CREB3L2: variants seen among roughly 807,000 people sequenced by gnomAD.
CREB3L2 encodes cyclic AMP-responsive element-binding protein 3-like protein 2.
Under a neutral mutation model 57.2 loss-of-function variants are expected in CREB3L2, and 23 were observed. The observed-to-expected ratio is 0.40, with a 90% confidence interval of 0.29 to 0.57. The LOEUF is 0.57. Among genes scored for constraint, CREB3L2 ranks in the 20% least tolerant of loss-of-function variants. The probability of loss-of-function intolerance (pLI) is 0.42; values close to 1 mark genes in which losing one functional copy is unlikely to be tolerated. For synonymous variants in CREB3L2, 268 were observed against 265.1 expected, an observed-to-expected ratio of 1.01 and a Z score of -0.11; for missense variants, 628 against 634.7, an observed-to-expected ratio of 0.99 and a Z score of 0.11.
chr7:137,981,777 C>A (rs1418469407), intron 1 of CREB3L2, among the ~76,000 whole-genome samples: 2 of 152,194 alleles, frequency 1.3e-5, no homozygotes, highest in Non-Finnish European at 2.9e-5. Flanking sequence ...AGTGGTTTTT[C>A]TGGTTTATGA....
In CREB3L2 at chr7:138,001,715, G is replaced by A. The variant is rs1802081159; in HGVS notation, c.-10C>T. 2.5e-6 allele frequency: 4 copies of A among 1,596,442 alleles called. No individual in the cohort carries two copies. In the South Asian group the frequency reaches 3.4e-5, roughly 13 times the overall value. ...TCTCCAGCACCTCCATGGCGGTGCGGGCCGCGCTGGGCCGAGGATGCTAAG... is the reference window on the plus strand; with the variant it reads ...TCTCCAGCACCTCCATGGCGGTGCGAGCCGCGCTGGGCCGAGGATGCTAAG... On this transcript the variant is annotated 5_prime_UTR_variant, in exon 1 of 12. Coordinates refer to ENST00000330387, the MANE Select transcript of CREB3L2 (RefSeq NM_194071.4). The surrounding 1 kb of genome is among the most constrained non-coding windows in gnomAD (Gnocchi z 4.2).
rs891546867 is a variant in CREB3L2 at position 137,924,283 on chromosome 7, T to C, written c.319+3867A>G. Among the ~76,000 whole-genome samples, 8 of 152,240 alleles carry C rather than the reference T, an allele frequency of 5.3e-5. No homozygotes were observed. In the South Asian group the frequency reaches 1.7e-3, roughly 32 times the overall value. ...ACTTCTGTATTAGCCTATTTTATGC[T>C]AAGGTCTGTTGATAGTCTATATAAT... is the stretch of plus-strand genomic sequence containing the variant. On this transcript the variant is annotated intron_variant, in intron 2 of 11. Transcript: ENST00000330387.
At position 137,953,887 on chromosome 7, in the gene CREB3L2, G is replaced by A. The variant is rs143594669; in HGVS notation, c.103-25521C>T. 1.5e-4 allele frequency among the ~76,000 whole-genome samples: 23 copies of A among 152,310 alleles called. No individual in the cohort carries two copies. The East Asian group carries it at 4.4e-3, about 29-fold the overall frequency. On this transcript the variant is annotated intron_variant, in intron 1 of 11. Coordinates refer to ENST00000330387, the MANE Select transcript of CREB3L2 (RefSeq NM_194071.4). ...GGCATCATCATGGGTTTTTCACACA[G>A]CCCAGTAAGATCACAAGGTCCTGTA...
chr7:137,946,079 CA>C (rs1800967988), intron 1 of CREB3L2, among the ~76,000 whole-genome samples: 1 of 152,196 alleles, frequency 6.6e-6, no homozygotes, highest in South Asian at 2.1e-4. Flanking sequence ...ACTGGCCACA[CA>C]CTCCCTCCTG....
chr7:137,943,228 C>T (rs878975880), intron 1 of CREB3L2, among the ~76,000 whole-genome samples: 2 of 152,176 alleles, frequency 1.3e-5, no homozygotes, highest in Admixed American at 1.3e-4. Flanking sequence ...ACGTAGGTAG[C>T]TTCTGCTTCC....
chr7:137,971,364 G>A (rs551676486), intron 1 of CREB3L2, among the ~76,000 whole-genome samples: 44 of 152,134 alleles, frequency 2.9e-4, no homozygotes, highest in Non-Finnish European at 5.4e-4. Flanking sequence ...GCAGGAGAAT[G>A]GCGTGAACCT....
chr7:138,000,980 T>C (rs1479014143), intron 1 of CREB3L2, among the ~76,000 whole-genome samples: 2 of 152,038 alleles, frequency 1.3e-5, no homozygotes, highest in Non-Finnish European at 2.9e-5. Flanking sequence ...CATACTCCTC[T>C]GCTGGTTTTT....
intron 1 of CREB3L2, among the ~76,000 whole-genome samples, chr7:137,969,340 CTTTTTTTTTTTTT>C (rs71177936): frequency 3.9e-5 from 3 of 77,070 alleles, no homozygotes; most frequent in East Asian, 3.9e-4. Context: ...TTATGATCTT[CTTTTTTTTTTTTT>C]TTTTTTTTTT....
At chr7:137,963,513 T>C (rs1413498577) in intron 1 of CREB3L2, among the ~76,000 whole-genome samples, 1 of 152,258 alleles carries the variant, frequency 6.6e-6, no homozygotes, top group African/African-American at 2.4e-5. Flanking sequence ...AGCTTCTGGA[T>C]ACATTATTTT....
intron 6 of CREB3L2, among the ~76,000 whole-genome samples, chr7:137,905,327 C>A (rs1187500016): frequency 7.0e-6 from 1 of 143,070 alleles, no homozygotes; most frequent in Non-Finnish European, 1.5e-5. Context: ...ACATAGAGTA[C>A]ATATATATGT....
intron 2 of CREB3L2, chr7:137,922,532 TAGAG>T (rs1249826533): frequency 2.8e-5 from 11 of 391,182 alleles, no homozygotes; most frequent in Admixed American, 5.3e-5. Flanking sequence ...CATGTGAACA[TAGAG>T]AGAATGGGCA....
intron 8 of CREB3L2, among the ~76,000 whole-genome samples, chr7:137,891,310 G>C (rs1799524064): frequency 6.6e-6 from 1 of 152,186 alleles, no homozygotes. Flanking sequence ...CCAAGAGTGG[G>C]AGACACAATC....
At chr7:137,964,943 G>A (rs769457628) in intron 1 of CREB3L2, among the ~76,000 whole-genome samples, 5 of 152,102 alleles carry the variant, frequency 3.3e-5, no homozygotes, top group Non-Finnish European at 7.4e-5. Flanking sequence ...CTGCCACCAC[G>A]TAAGACGTGC....
chr7:137,894,667 G>A (rs1255649808), intron 8 of CREB3L2, among the ~76,000 whole-genome samples: 1 of 152,188 alleles, frequency 6.6e-6, no homozygotes, highest in East Asian at 1.9e-4. Flanking sequence ...GCTAGGGTGA[G>A]AGCTCCAGAT....
At chr7:137,921,425 C>A (rs953222665) in intron 2 of CREB3L2, among the ~76,000 whole-genome samples, 3 of 152,142 alleles carry the variant, frequency 2.0e-5, no homozygotes, top group Non-Finnish European at 4.4e-5. Flanking sequence ...CATCCAAAGA[C>A]AAAATGGTGC....
At chr7:137,996,678 G>T (rs1195798025) in intron 1 of CREB3L2, among the ~76,000 whole-genome samples, 1 of 152,222 alleles carries the variant, frequency 6.6e-6, no homozygotes, top group Non-Finnish European at 1.5e-5. Context: ...AGACATGGAA[G>T]CCAGATGGCC....
chr7:137,926,178 C>T (rs762811101), intron 2 of CREB3L2, among the ~76,000 whole-genome samples: 4 of 152,184 alleles, frequency 2.6e-5, no homozygotes, highest in Non-Finnish European at 5.9e-5. Context: ...TGTGGCGATT[C>T]CTTAAGGATC....
chr7:137,906,062 A>G (rs273967), intron 5 of CREB3L2, among the ~76,000 whole-genome samples: 70,731 of 152,042 alleles, frequency 0.47, 19,097 homozygotes, highest in East Asian at 0.77. Flanking sequence ...CCTAGGGATT[A>G]TAATTCAAGG....
intron 2 of CREB3L2, among the ~76,000 whole-genome samples, chr7:137,916,815 C>A (rs972390601): frequency 6.6e-6 from 1 of 151,632 alleles, no homozygotes; most frequent in Non-Finnish European, 1.5e-5. Context: ...CGAGTGACAG[C>A]GAGAGCGACA....
Sources: allele counts gnomAD v4.1 joint callset (sites outside exome capture counted in the v4.1 genomes callset), GRCh38; gene constraint gnomAD v4.1.1; non-coding constraint Gnocchi (gnomAD v3.1); transcripts MANE v1.5; gene names NCBI Gene and HGNC (gene_info 2026-07-23, HGNC 2026-07-21).